Variants in PLA2G4E observed in about 807,000 individuals in gnomAD.
PLA2G4E encodes the protein cytosolic phospholipase A2 epsilon.
In PLA2G4E, 84 loss-of-function variants were observed where a neutral mutation model predicts 109.1. The ratio of observed to expected loss-of-function variants is 0.77; its 90% confidence interval spans 0.65 to 0.92. The LOEUF (loss-of-function observed/expected upper bound fraction) is 0.92. Ranked by LOEUF, PLA2G4E falls within the 40% of genes least tolerant of loss-of-function variation. The probability of loss-of-function intolerance (pLI) is 0.00; values close to 1 mark genes in which losing one functional copy is unlikely to be tolerated. For missense variants in PLA2G4E, 1,057 were observed against 1,076.6 expected, an observed-to-expected ratio of 0.98 and a Z score of 0.25; for synonymous variants, 469 against 436.1, an observed-to-expected ratio of 1.08 and a Z score of -0.94.
intron 4 of PLA2G4E, among the ~76,000 whole-genome samples, chr15:42,005,515 A>G (rs2068466366): frequency 7.1e-6 from 1 of 141,266 alleles, no homozygotes; most frequent in Non-Finnish European, 1.5e-5. Context: ...CAGGCACTCA[A>G]ATGCTGGCAG....
At chr15:41,992,267 C>G (rs981462524) in intron 13 of PLA2G4E, among the ~76,000 whole-genome samples, 41 of 152,274 alleles carry the variant, frequency 2.7e-4, no homozygotes, top group African/African-American at 9.6e-4. Flanking sequence ...GAGGCTGGCC[C>G]GTTCTGGGAG....
At chr15:42,031,524 C>T (rs1301004954) in intron 1 of PLA2G4E, among the ~76,000 whole-genome samples, 1 of 152,142 alleles carries the variant, frequency 6.6e-6, no homozygotes, top group Non-Finnish European at 1.5e-5. Context: ...CTTCCTCTCC[C>T]TTCATCCTCC....
At chr15:42,032,289 G>A in intron 1 of PLA2G4E, among the ~76,000 whole-genome samples, 1 of 152,142 alleles carries the variant, frequency 6.6e-6, no homozygotes, top group East Asian at 1.9e-4. Context: ...TCTATGTTTT[G>A]ACTGAATTGA....
At chr15:41,985,399 T>G (rs886221520) in intron 18 of PLA2G4E, among the ~76,000 whole-genome samples, 1 of 152,170 alleles carries the variant, frequency 6.6e-6, no homozygotes, top group African/African-American at 2.4e-5. Flanking sequence ...TGCCCTCCTC[T>G]CTCGCCAGGC....
exon 20 of PLA2G4E, chr15:41,983,770 C>T (rs768607606): frequency 1.9e-6 from 3 of 1,593,298 alleles, no homozygotes; most frequent in African/African-American, 1.3e-5. Flanking sequence ...GGGACACTGG[C>T]CCTTCAGGCG....
chr15:42,037,495 C>G (rs1889238422), intron 1 of PLA2G4E, among the ~76,000 whole-genome samples: 1 of 152,216 alleles, frequency 6.6e-6, no homozygotes, highest in East Asian at 1.9e-4. Flanking sequence ...CTGAGCTGTT[C>G]TATTGCTGGA....
exon 12 of PLA2G4E, chr15:41,995,441 A>T: frequency 6.2e-7 from 1 of 1,613,956 alleles, no homozygotes; most frequent in Non-Finnish European, 8.5e-7. Flanking sequence ...GTGGCCATAC[A>T]TGGAGGTCAT....
intron 1 of PLA2G4E, among the ~76,000 whole-genome samples, chr15:42,015,882 G>A (rs916571420): frequency 1.3e-5 from 2 of 152,244 alleles, no homozygotes; most frequent in Admixed American, 6.5e-5. Flanking sequence ...TTCTCTTCAG[G>A]TGTCCTGGTT....
At chr15:42,040,103 G>A (rs535555951) in intron 1 of PLA2G4E, among the ~76,000 whole-genome samples, 1 of 152,090 alleles carries the variant, frequency 6.6e-6, no homozygotes, top group Non-Finnish European at 1.5e-5. Context: ...TTGGGAGGCC[G>A]AGGTGGAGGA....
At chr15:42,048,673 T>C (rs1889457943) in intron 1 of PLA2G4E, among the ~76,000 whole-genome samples, 1 of 152,158 alleles carries the variant, frequency 6.6e-6, no homozygotes, top group Non-Finnish European at 1.5e-5. Flanking sequence ...TCCAACTTCA[T>C]ATGCCGCAGG....
At chr15:42,001,424 C>T (rs1177538800) in intron 6 of PLA2G4E, among the ~76,000 whole-genome samples, 1 of 152,138 alleles carries the variant, frequency 6.6e-6, no homozygotes, top group Admixed American at 6.5e-5. Context: ...TACTTGACCA[C>T]GAAGCTGTCC....
intron 3 of PLA2G4E, among the ~76,000 whole-genome samples, chr15:42,006,625 C>G (rs1210380503): frequency 1.3e-5 from 2 of 152,184 alleles, no homozygotes; most frequent in East Asian, 1.9e-4. Flanking sequence ...TATATGAACT[C>G]TATCCTTTGA....
chr15:42,031,553 C>T (rs1299552812), intron 1 of PLA2G4E, among the ~76,000 whole-genome samples: 1 of 152,152 alleles, frequency 6.6e-6, no homozygotes, highest in Non-Finnish European at 1.5e-5. Flanking sequence ...CCATAGGCTT[C>T]CCTTTTCCCT....
intron 13 of PLA2G4E, 113 bp from the exon 14 acceptor site, chr15:41,990,348 A>C: frequency 2.2e-6 from 2 of 922,388 alleles, no homozygotes; most frequent in Non-Finnish European, 3.4e-6. Flanking sequence ...TCCTGAGCTC[A>C]CCGGGCTGCT....
At chr15:41,999,431 A>G in intron 10 of PLA2G4E, 93 bp downstream of exon 10, 1 of 898,818 alleles carries the variant, frequency 1.1e-6, no homozygotes, top group Non-Finnish European at 1.8e-6. Flanking sequence ...CATTAGCCAT[A>G]GGGGAAATGC....
chr15:41,997,498 T>C (rs2068361162), intron 10 of PLA2G4E: 4 of 357,386 alleles, frequency 1.1e-5, no homozygotes, highest in African/African-American at 2.1e-5. Context: ...GCTGGCACAA[T>C]GCGAGCTGGT....
chr15:41,990,031 G>A (rs148242965), intron 14 of PLA2G4E, 90 bp downstream of exon 14: 3 of 948,736 alleles, frequency 3.2e-6, no homozygotes, highest in Non-Finnish European at 5.0e-6. Context: ...AGATGAGTGG[G>A]ATTGGGGGAC....
At chr15:41,987,465 A>ATGT in intron 16 of PLA2G4E, 90 bp from the exon 17 acceptor site, 4 of 1,249,330 alleles carry the variant, frequency 3.2e-6, no homozygotes, top group Non-Finnish European at 4.5e-6. Context: ...CCTGGCACCC[A>ATGT]GGGGTGAGCA....
chr15:41,996,177 T>A (rs964463331), intron 11 of PLA2G4E, among the ~76,000 whole-genome samples: 13 of 151,680 alleles, frequency 8.6e-5, no homozygotes, highest in African/African-American at 2.9e-4. Context: ...AGAAACCCCA[T>A]CTCTACAAAA....
Sources: allele counts gnomAD v4.1 joint callset (sites outside exome capture counted in the v4.1 genomes callset), GRCh38; gene constraint gnomAD v4.1.1; transcripts MANE v1.5; gene names NCBI Gene and HGNC (gene_info 2026-07-23, HGNC 2026-07-21).